ARG2: variants seen among roughly 807,000 people sequenced by gnomAD.
ARG2 encodes arginase-2, mitochondrial.
Under a neutral mutation model 39.4 loss-of-function variants are expected in ARG2, and 21 were observed. The ratio of observed to expected loss-of-function variants is 0.53; its 90% CI spans 0.38 to 0.77. The LOEUF (loss-of-function observed/expected upper bound fraction) is 0.77. Ranked by LOEUF, ARG2 falls within the 30% of genes least tolerant of loss-of-function variation. The pLI is 0.00. For synonymous variants in ARG2, 150 were observed against 156.7 expected (o/e 0.96, Z 0.32); for missense variants, 378 against 426.2 (o/e 0.89, Z 1.00).
chr14:67,645,034 T>C (rs1020565969), intron 3 of ARG2, among the ~76,000 whole-genome samples: 1 of 151,748 alleles, frequency 6.6e-6, no homozygotes, highest in African/African-American at 2.4e-5. Flanking sequence ...CATGCTAATA[T>C]ATATAAGGTA....
In ARG2 at chr14:67,651,031, C is replaced by T. The variant is rs1321655219; in HGVS notation, c.*111C>T. On this transcript the variant is annotated 3_prime_UTR_variant, in exon 8 of 8. Coordinates refer to ENST00000261783, the MANE Select transcript of ARG2 (RefSeq NM_001172.4). ...TGGGTCAATACTGCCTTAATGAGAACATTTACACATTCTCACAATTGTAAA... is the reference window on the plus strand; with the variant it reads ...TGGGTCAATACTGCCTTAATGAGAATATTTACACATTCTCACAATTGTAAA... 4 of 1,126,150 alleles carry T rather than the reference C, an allele frequency of 3.6e-6. No homozygotes were observed. The highest frequency in any genetic ancestry group is 2.1e-5 in the Admixed American group (1 of 47,642). 69.8% of individuals were successfully genotyped at this position (1,126,150 alleles called of 1,614,324 possible). A position where few individuals can be genotyped will look rare whatever the true frequency, so the allele number is the denominator to read the frequency against.
At chr14:67,634,442 A>C (rs1010572745) in intron 2 of ARG2, among the ~76,000 whole-genome samples, 5 of 151,790 alleles carry the variant, frequency 3.3e-5, no homozygotes, top group Non-Finnish European at 7.4e-5. Flanking sequence ...AAAAAAAAAA[A>C]AAAAAAAATT....
In ARG2 at chr14:67,651,056, AGTTTCCCCTCTATTTTGGTGACC is replaced by A; in HGVS notation, c.*137_*159del. 3 of 1,094,036 alleles carry A rather than the reference AGTTTCCCCTCTATTTTGGTGACC, an allele frequency of 2.7e-6. No homozygotes were observed. The highest frequency in any genetic ancestry group is 3.9e-6 in the Non-Finnish European group (3 of 764,000). The allele number at this position is 1,094,036 out of a possible 1,614,324, so 67.8% of individuals were successfully genotyped here. ...CATTTACACATTCTCACAATTGTAAAGTTTCCCCTCTATTTTGGTGACCAATACTACTGTAAATGTATTTGGTT... is the reference window on the plus strand; with the variant it reads ...CATTTACACATTCTCACAATTGTAAAAATACTACTGTAAATGTATTTGGTT... On this transcript the variant is annotated 3_prime_UTR_variant, in exon 8 of 8. Coordinates refer to ENST00000261783, the MANE Select transcript of ARG2 (RefSeq NM_001172.4).
intron 7 of ARG2, chr14:67,650,164 T>G (rs34970739): frequency 0.13 from 19,764 of 157,058 alleles, 1,518 homozygotes; most frequent in South Asian, 0.33. Context: ...CCTCCAGAGC[T>G]CAGGCCTGCA....
chr14:67,632,707 GA>G (rs1373269979), intron 2 of ARG2, among the ~76,000 whole-genome samples: 5 of 150,448 alleles, frequency 3.3e-5, no homozygotes, highest in Non-Finnish European at 7.4e-5. Flanking sequence ...TAGTCATTAT[GA>G]AGATTCACAT....
intron 2 of ARG2, among the ~76,000 whole-genome samples, chr14:67,629,462 A>G (rs984685694): frequency 3.9e-5 from 6 of 152,258 alleles, no homozygotes; most frequent in Non-Finnish European, 8.8e-5. Context: ...TTCCATTTAT[A>G]TGAAGTTTTT....
At chr14:67,650,657 C>CAT (rs945302666) in intron 7 of ARG2, 58 bp from the exon 8 acceptor site, 1 of 1,493,138 alleles carries the variant, frequency 6.7e-7, no homozygotes, top group African/African-American at 1.4e-5. Flanking sequence ...AGTGGGATGA[C>CAT]CCTCACTGAG....
At chr14:67,644,633 A>G (rs1052000260) in intron 3 of ARG2, among the ~76,000 whole-genome samples, 1 of 152,192 alleles carries the variant, frequency 6.6e-6, no homozygotes, top group African/African-American at 2.4e-5. Flanking sequence ...CTTAGAATTG[A>G]GACAGAACAG....
At chr14:67,625,476 C>T (rs61990121) in intron 2 of ARG2, among the ~76,000 whole-genome samples, 34,015 of 151,428 alleles carry the variant, frequency 0.22, 4,715 homozygotes, top group East Asian at 0.3. Context: ...GTCAGGAGTT[C>T]GAGACCAGCC....
rs577472351 is a variant in ARG2 at position 67,636,132 on chromosome 14, G to T, written c.185-6054G>T. On this transcript the variant is annotated intron_variant, in intron 2 of 7. Transcript: ENST00000261783. ...CTCCATGTCTGTTATTCTACCAATG[G>T]GTTGCCTGTGGCTCAGCAGACCCTC... Among the ~76,000 whole-genome samples the T allele has an allele frequency of 2.0e-5, 3 of 152,112 alleles. No homozygotes were observed. The South Asian group carries it at 6.2e-4, about 32-fold the overall frequency.
In ARG2 at chr14:67,646,901, C is replaced by T. The variant is rs2037105933; in HGVS notation, c.618-20C>T. 6.6e-7 allele frequency: 1 copy of T among 1,514,692 alleles called. No homozygotes were observed. The highest frequency in any genetic ancestry group is 9.2e-7 in the Non-Finnish European group (1 of 1,091,022). The allele number at this position is 1,514,692 out of a possible 1,614,324, so 93.8% of individuals were successfully genotyped here. Reference sequence around the variant, plus strand: ...AATGCTCTTTAAACTAAGGACTCCTCCCTTTATATCTCATCACAGTTTTAT... The same window carrying T: ...AATGCTCTTTAAACTAAGGACTCCTTCCTTTATATCTCATCACAGTTTTAT... On this transcript the variant is annotated intron_variant, in intron 5 of 7. Coordinates refer to ENST00000261783, the MANE Select transcript of ARG2 (RefSeq NM_001172.4).
rs76113726 is a variant in ARG2 at position 67,620,712 on chromosome 14, T to G, written c.112-182T>G. Reference sequence around the variant, plus strand: ...TCCTGGATCCTAACCTGGCTCAGCCTCTCCCGTCTTGGCTTGGGCAGCTGA... The same window carrying G: ...TCCTGGATCCTAACCTGGCTCAGCCGCTCCCGTCTTGGCTTGGGCAGCTGA... On this transcript the variant is annotated intron_variant, in intron 1 of 7. Transcript: ENST00000261783. Among the ~76,000 whole-genome samples the G allele has an allele frequency of 6.6e-3, 1,008 of 152,186 alleles. 11 individuals carry two copies. Among genetic ancestry groups the G allele is most frequent in the African/African-American group, 0.023 (963 of 41,518 alleles).
At chr14:67,632,539 G>T (rs941529450) in intron 2 of ARG2, among the ~76,000 whole-genome samples, 1 of 152,060 alleles carries the variant, frequency 6.6e-6, no homozygotes, top group Admixed American at 6.6e-5. Flanking sequence ...TTGGAGCAAG[G>T]TGCCCACCAT....
chr14:67,624,277 G>A (rs374565522), intron 2 of ARG2, among the ~76,000 whole-genome samples: 1 of 151,948 alleles, frequency 6.6e-6, no homozygotes, highest in Admixed American at 6.5e-5. Flanking sequence ...TGGGAAATCT[G>A]TGTTGTTTTA....
intron 2 of ARG2, among the ~76,000 whole-genome samples, chr14:67,635,859 T>A (rs78063508): frequency 0.18 from 27,147 of 151,556 alleles, 2,936 homozygotes; most frequent in African/African-American, 0.31. Flanking sequence ...CTAAAAAAAA[T>A]TTTTTTTAAA....
At chr14:67,626,827 T>C (rs1472437015) in intron 2 of ARG2, among the ~76,000 whole-genome samples, 1 of 152,216 alleles carries the variant, frequency 6.6e-6, no homozygotes, top group Admixed American at 6.5e-5. Flanking sequence ...AACTCAAATG[T>C]ACATTAATTG....
At chr14:67,643,852 T>A (rs1439183617) in intron 3 of ARG2, among the ~76,000 whole-genome samples, 33 of 81,206 alleles carry the variant, frequency 4.1e-4, no homozygotes, top group African/African-American at 8.2e-4. Flanking sequence ...TCCTTGGGAG[T>A]AAAAAAAAAA....
intron 2 of ARG2, among the ~76,000 whole-genome samples, chr14:67,634,186 T>G (rs1246029777): frequency 6.6e-6 from 1 of 152,152 alleles, no homozygotes; most frequent in African/African-American, 2.4e-5. Context: ...AAACCAGTAT[T>G]TTGTTTCTCT....
chr14:67,648,389 C>A, intron 7 of ARG2: 1 of 452,278 alleles, frequency 2.2e-6, no homozygotes, highest in Non-Finnish European at 3.8e-6. Flanking sequence ...TACCAAATTA[C>A]ACTAAGGTAA....
Sources: allele counts gnomAD v4.1 joint callset (sites outside exome capture counted in the v4.1 genomes callset), GRCh38; gene constraint gnomAD v4.1.1; transcripts MANE v1.5; gene names NCBI Gene and HGNC (gene_info 2026-07-23, HGNC 2026-07-21).